The following NTRK2 variants were observed in gnomAD, a reference collection of about 807,000 sequenced individuals.
The protein encoded by NTRK2 is BDNF/NT-3 growth factors receptor.
Under a neutral mutation model 94.5 loss-of-function variants are expected in NTRK2, and 13 were observed. The observed-to-expected ratio is 0.14, with a 90% CI of 0.09 to 0.22. The LOEUF is 0.22. Among genes scored for constraint, NTRK2 ranks in the 10% least tolerant of loss-of-function variants. The pLI is 1.00. For missense variants in NTRK2, 639 were observed against 1,071.2 expected, an observed-to-expected ratio of 0.60 and a Z score of 5.63; for synonymous variants, 372 against 407.4, an observed-to-expected ratio of 0.91 and a Z score of 1.05.
chr9:84,898,642 G>A (rs1430224102), intron 14 of NTRK2, among the ~76,000 whole-genome samples: 1 of 151,958 alleles, frequency 6.6e-6, no homozygotes, highest in Non-Finnish European at 1.5e-5. Context: ...GCAAATGGAG[G>A]GGCTAAGCTG....
chr9:84,847,759 T>C (rs1213967136), intron 12 of NTRK2, among the ~76,000 whole-genome samples: 1 of 152,174 alleles, frequency 6.6e-6, no homozygotes, highest in East Asian at 1.9e-4. Flanking sequence ...TTGAATCACA[T>C]AGGTTGCCTG....
intron 17 of NTRK2, among the ~76,000 whole-genome samples, chr9:84,969,402 A>G (rs772823954): frequency 5.9e-5 from 9 of 152,266 alleles, no homozygotes; most frequent in Non-Finnish European, 1.0e-4. Flanking sequence ...CTCAATTTGC[A>G]TAGCTCAGGA....
intron 16 of NTRK2, among the ~76,000 whole-genome samples, chr9:84,954,809 G>C (rs1823907140): frequency 6.6e-6 from 1 of 152,196 alleles, no homozygotes; most frequent in African/African-American, 2.4e-5. Flanking sequence ...CTCTGGCATA[G>C]CCTGGCTAGG....
At chr9:84,792,326 G>A (rs1273530888) in intron 12 of NTRK2, among the ~76,000 whole-genome samples, 1 of 152,176 alleles carries the variant, frequency 6.6e-6, no homozygotes, top group Non-Finnish European at 1.5e-5. Flanking sequence ...TAAAATGCCT[G>A]TAATAAAATA....
intron 12 of NTRK2, among the ~76,000 whole-genome samples, chr9:84,783,959 CTG>C (rs1288191360): frequency 6.6e-6 from 1 of 152,078 alleles, no homozygotes; most frequent in East Asian, 1.9e-4. Flanking sequence ...GGTTGGAAGA[CTG>C]GGGTGTGATG....
chr9:84,886,549 CTT>C (rs1161023032), intron 14 of NTRK2, among the ~76,000 whole-genome samples: 1 of 152,212 alleles, frequency 6.6e-6, no homozygotes, highest in African/African-American at 2.4e-5. Context: ...TCAGATGAGT[CTT>C]TGTCTTAGCG....
intron 17 of NTRK2, among the ~76,000 whole-genome samples, chr9:84,965,348 C>A (rs912593117): frequency 6.6e-6 from 1 of 152,146 alleles, no homozygotes; most frequent in Non-Finnish European, 1.5e-5. Flanking sequence ...GTATTCTGTT[C>A]CCCAAGGAAA....
At chr9:84,844,795 A>G (rs1473311821) in intron 12 of NTRK2, among the ~76,000 whole-genome samples, 2 of 152,030 alleles carry the variant, frequency 1.3e-5, no homozygotes, top group African/African-American at 4.8e-5. Flanking sequence ...AATGGCTGTT[A>G]TAATTTCTTG....
intron 18 of NTRK2, among the ~76,000 whole-genome samples, chr9:85,020,960 TA>T (rs1364011010): frequency 2.0e-5 from 3 of 152,146 alleles, no homozygotes; most frequent in African/African-American, 7.2e-5. Flanking sequence ...CTCAGACCAA[TA>T]AAAACCACAA....
chr9:84,980,017 C>CA (rs1161392095), intron 17 of NTRK2, among the ~76,000 whole-genome samples: 37 of 151,856 alleles, frequency 2.4e-4, no homozygotes, highest in African/African-American at 7.5e-4. Context: ...CACGGGAAAA[C>CA]AAAAAAAATT....
chr9:84,693,869 G>C (rs1041822510), intron 2 of NTRK2, among the ~76,000 whole-genome samples: 12 of 152,174 alleles, frequency 7.9e-5, no homozygotes, highest in African/African-American at 2.7e-4. Flanking sequence ...TAAATGCCCG[G>C]AGTATTTGGG....
chr9:84,999,827 T>C (rs1386108209), intron 17 of NTRK2, among the ~76,000 whole-genome samples: 3 of 152,126 alleles, frequency 2.0e-5, no homozygotes, highest in Admixed American at 1.3e-4. Flanking sequence ...GACCTCCCCA[T>C]GCCAGCTTCC....
chr9:84,930,473 G>C (rs1051938547), intron 14 of NTRK2, among the ~76,000 whole-genome samples: 1 of 152,168 alleles, frequency 6.6e-6, no homozygotes, highest in Non-Finnish European at 1.5e-5. Context: ...GCTCTAGCAC[G>C]AGGGAGAGGG....
chr9:84,729,518 G>T (rs955698625), intron 9 of NTRK2, among the ~76,000 whole-genome samples: 14 of 152,140 alleles, frequency 9.2e-5, no homozygotes, highest in Non-Finnish European at 1.5e-4. Context: ...GTAGCTTTTT[G>T]CTTGTTCTTA....
chr9:84,899,334 A>G (rs2076856810), intron 14 of NTRK2, among the ~76,000 whole-genome samples: 1 of 152,246 alleles, frequency 6.6e-6, no homozygotes, highest in African/African-American at 2.4e-5. Context: ...TCAGGACAAA[A>G]CATAGACAGG....
At chr9:84,979,947 G>A (rs1827374154) in intron 17 of NTRK2, among the ~76,000 whole-genome samples, 13 of 152,162 alleles carry the variant, frequency 8.5e-5, no homozygotes. Context: ...TTTTTATTTA[G>A]CTATAACGCT....
Position 84,813,067 on chromosome 9 carries a change from TA to T in NTRK2, c.1397-47972del, listed in dbSNP as rs1481210337. 2.9e-5 allele frequency: 30 copies of T among 1,038,950 alleles called. No homozygotes were observed. In the South Asian group the frequency reaches 8.7e-4, roughly 30 times the overall value. The allele number at this position is 1,038,950 out of a possible 1,614,324, so 64.4% of individuals were successfully genotyped here. A position where few individuals can be genotyped will look rare whatever the true frequency, so the allele number is the denominator to read the frequency against. The stretch of plus-strand genomic sequence containing the variant: ...TGTCTCCCATAAGAAATGTGCTTTT[TA>T]GAGCTTCCTAATGCATGTGTTGCAT... On this transcript the variant is annotated intron_variant, in intron 12 of 18. Transcript: ENST00000277120.
At chr9:84,677,314 C>T (rs2059120994) in intron 2 of NTRK2, among the ~76,000 whole-genome samples, 2 of 152,260 alleles carry the variant, frequency 1.3e-5, no homozygotes, top group South Asian at 4.1e-4. Flanking sequence ...CTCAATGCCT[C>T]AAGATTGATG....
rs1027584004 is a variant in NTRK2, at chr9:84,812,964, A to G, written c.1397-48076A>G. ...TTCTCGTGTTCTTTTCTTTTTTTTA[A>G]TCCCTGAAGGGATGATCAGTAACAT... is the stretch of plus-strand genomic sequence containing the variant. On this transcript the variant is annotated intron_variant, in intron 12 of 18. Transcript: ENST00000277120. 8.7e-6 allele frequency: 9 copies of G among 1,033,290 alleles called. No individual in the cohort carries two copies. The African/African-American group carries it at 1.5e-4, about 17-fold the overall frequency. 64.0% of individuals were successfully genotyped at this position (1,033,290 alleles called of 1,614,324 possible). A position where few individuals can be genotyped will look rare whatever the true frequency, so the allele number is the denominator to read the frequency against.
Sources: allele counts gnomAD v4.1 joint callset (sites outside exome capture counted in the v4.1 genomes callset), GRCh38; gene constraint gnomAD v4.1.1; transcripts MANE v1.5; gene names NCBI Gene and HGNC (gene_info 2026-07-23, HGNC 2026-07-21).